The following NOL4 variants were observed in gnomAD, a reference collection of about 807,000 sequenced individuals.
The protein encoded by NOL4 is nucleolar protein 4, also known as cancer/testis antigen 125.
A neutral mutation model predicts 75.9 loss-of-function variants in NOL4; 17 were observed. The observed-to-expected ratio is 0.22, with a 90% CI of 0.15 to 0.34. The LOEUF (loss-of-function observed/expected upper bound fraction) is 0.34. NOL4 is among the 10% of genes least tolerant of loss of function. The pLI, the probability that NOL4 is intolerant of heterozygous loss-of-function variation, is 1.00. For synonymous variants in NOL4, 292 were observed against 289.9 expected (o/e 1.01, Z -0.07); for missense variants, 614 against 793.5 (o/e 0.77, Z 2.72).
At chr18:34,143,781 C>T (rs1369178458) in intron 1 of NOL4, among the ~76,000 whole-genome samples, 2 of 147,628 alleles carry the variant, frequency 1.4e-5, no homozygotes, top group Non-Finnish European at 3.0e-5. Context: ...AGGAGAATTG[C>T]TTGAACCTAG....
chr18:34,142,684 G>A (rs1259061102), intron 1 of NOL4, among the ~76,000 whole-genome samples: 1 of 152,140 alleles, frequency 6.6e-6, no homozygotes, highest in African/African-American at 2.4e-5. Context: ...CCTGTTGTGG[G>A]GTGGGGGGAG....
At chr18:34,109,342 C>G (rs1255308045) in intron 2 of NOL4, among the ~76,000 whole-genome samples, 2 of 152,004 alleles carry the variant, frequency 1.3e-5, no homozygotes, top group South Asian at 2.1e-4. Context: ...GAGATTCTGT[C>G]TCTAAAAAAG....
chr18:33,883,521 T>C, intron 9 of NOL4, 97 bp from the exon 10 acceptor site: 1 of 820,864 alleles, frequency 1.2e-6, no homozygotes, highest in Non-Finnish European at 1.7e-6. Flanking sequence ...CTGCATTGAA[T>C]AAGAAAAAAT....
chr18:33,929,952 G>C (rs1230363048), intron 9 of NOL4, among the ~76,000 whole-genome samples: 1 of 152,008 alleles, frequency 6.6e-6, no homozygotes, highest in Non-Finnish European at 1.5e-5. Flanking sequence ...TTAAAATCCA[G>C]CCACACTGGT....
intron 6 of NOL4, among the ~76,000 whole-genome samples, chr18:34,002,438 A>G (rs2073780110): frequency 6.6e-6 from 1 of 152,060 alleles, no homozygotes. Context: ...CTAATGAGAT[A>G]TTATACCTTC....
intron 1 of NOL4, among the ~76,000 whole-genome samples, chr18:34,153,589 A>T (rs1038471499): frequency 1.3e-5 from 2 of 151,966 alleles, no homozygotes; most frequent in African/African-American, 4.8e-5. Flanking sequence ...GCAAGATATA[A>T]ATCAGTGAAT....
chr18:34,130,158 T>G, intron 1 of NOL4, 138 bp from the exon 2 acceptor site: 2 of 730,600 alleles, frequency 2.7e-6, no homozygotes, highest in African/African-American at 1.8e-5. Flanking sequence ...AATTCATGAA[T>G]GAATATTTCA....
intron 9 of NOL4, among the ~76,000 whole-genome samples, chr18:33,898,559 C>G (rs1056067935): frequency 2.6e-5 from 4 of 152,080 alleles, no homozygotes; most frequent in Non-Finnish European, 5.9e-5. Context: ...TCTCTTAGTA[C>G]CACTTCCTTC....
intron 1 of NOL4, among the ~76,000 whole-genome samples, chr18:34,195,538 T>C (rs891983962): frequency 1.3e-5 from 2 of 152,104 alleles, no homozygotes; most frequent in Non-Finnish European, 2.9e-5. Flanking sequence ...GTTTATATTT[T>C]ATGTATGTTT....
chr18:34,190,517 A>G (rs868161540), intron 1 of NOL4, among the ~76,000 whole-genome samples: 1 of 151,950 alleles, frequency 6.6e-6, no homozygotes, highest in African/African-American at 2.4e-5. Flanking sequence ...ATGAAGGTAG[A>G]ATCCCAGTCA....
chr18:34,037,055 T>A (rs34691912), intron 5 of NOL4, among the ~76,000 whole-genome samples: 25,906 of 152,164 alleles, frequency 0.17, 2,759 homozygotes, highest in East Asian at 0.41. Flanking sequence ...AACTCTTATA[T>A]CTGATAACCA....
At chr18:34,174,034 A>G (rs2033305508) in intron 1 of NOL4, among the ~76,000 whole-genome samples, 1 of 152,146 alleles carries the variant, frequency 6.6e-6, no homozygotes, top group African/African-American at 2.4e-5. Context: ...ATGAAACATG[A>G]CCTAATGGAG....
At chr18:34,084,096 A>T (rs2078134971) in intron 5 of NOL4, among the ~76,000 whole-genome samples, 1 of 152,134 alleles carries the variant, frequency 6.6e-6, no homozygotes, top group South Asian at 2.1e-4. Flanking sequence ...GAACGCTCCC[A>T]TATGAGGTGT....
intron 5 of NOL4, among the ~76,000 whole-genome samples, chr18:34,036,085 A>G (rs1251538136): frequency 6.6e-6 from 1 of 152,172 alleles, no homozygotes; most frequent in Non-Finnish European, 1.5e-5. Flanking sequence ...CTATTTCAAA[A>G]AAATCAAAGA....
chr18:33,870,714 T>A (rs2063658802), intron 10 of NOL4, among the ~76,000 whole-genome samples: 1 of 151,918 alleles, frequency 6.6e-6, no homozygotes, highest in Admixed American at 6.6e-5. Context: ...AAAAAAAAAT[T>A]CTTGTAATAT....
chr18:34,222,229 C>T, intron 1 of NOL4: 1 of 1,406,398 alleles, frequency 7.1e-7, no homozygotes, highest in Non-Finnish European at 9.2e-7. Context: ...CTAGAGCCAC[C>T]CCAGAAAAAG....
chr18:34,101,220 C>A (rs1306075610), intron 4 of NOL4, among the ~76,000 whole-genome samples: 1 of 152,178 alleles, frequency 6.6e-6, no homozygotes, highest in Non-Finnish European at 1.5e-5. Context: ...GCATTAGCTT[C>A]TTCTAGAAAC....
At chr18:34,041,464 T>C (rs1017474612) in intron 5 of NOL4, among the ~76,000 whole-genome samples, 1 of 151,844 alleles carries the variant, frequency 6.6e-6, no homozygotes, top group East Asian at 1.9e-4. Flanking sequence ...ACATGTCTCT[T>C]TCCTGATATG....
chr18:34,091,397 G>A (rs1413154372), intron 5 of NOL4, among the ~76,000 whole-genome samples: 6 of 151,662 alleles, frequency 4.0e-5, no homozygotes, highest in Non-Finnish European at 7.4e-5. Flanking sequence ...AAAACAAAAG[G>A]GCTTGACAGA....
Sources: allele counts gnomAD v4.1 joint callset (sites outside exome capture counted in the v4.1 genomes callset), GRCh38; gene constraint gnomAD v4.1.1; transcripts MANE v1.5; gene names NCBI Gene and HGNC (gene_info 2026-07-23, HGNC 2026-07-21).